Variants in AHI1 observed in about 807,000 individuals in gnomAD.
The protein encoded by AHI1 is Abelson helper integration site 1, also known as jouberin.
A neutral mutation model predicts 149.3 loss-of-function variants in AHI1; 123 were observed. That is an observed-to-expected ratio of 0.82 (90% confidence interval 0.71 to 0.96). The LOEUF (loss-of-function observed/expected upper bound fraction) is 0.96. Ranked by LOEUF, AHI1 falls within the 40% of genes least tolerant of loss-of-function variation. The pLI is 0.00. For missense variants in AHI1, 1,439 were observed against 1,422.7 expected, an observed-to-expected ratio of 1.01 and a Z score of -0.18; for synonymous variants, 475 against 459.8, an observed-to-expected ratio of 1.03 and a Z score of -0.42.
intron 19 of AHI1, among the ~76,000 whole-genome samples, chr6:135,427,959 T>A (rs1784133611): frequency 6.6e-6 from 1 of 150,806 alleles, no homozygotes; most frequent in African/African-American, 2.4e-5. Context: ...AACAAAAACC[T>A]AAGTTACCTG....
chr6:135,363,195 G>GCCTT (rs1274930299), intron 23 of AHI1, among the ~76,000 whole-genome samples: 3 of 150,940 alleles, frequency 2.0e-5, no homozygotes, highest in African/African-American at 7.3e-5. Context: ...GGACCCTGCG[G>GCCTT]CCTTCCGCAG....
At chr6:135,445,755 T>C (rs1207345559) in intron 13 of AHI1, among the ~76,000 whole-genome samples, 1 of 152,044 alleles carries the variant, frequency 6.6e-6, no homozygotes, top group Non-Finnish European at 1.5e-5. Flanking sequence ...AAAATTTTTT[T>C]TAAAAGAATG....
intron 24 of AHI1, among the ~76,000 whole-genome samples, chr6:135,327,007 C>A (rs547707804): frequency 6.6e-6 from 1 of 152,100 alleles, no homozygotes; most frequent in Non-Finnish European, 1.5e-5. Context: ...GTTTTTTGTT[C>A]GTGAGTTACT....
At chr6:135,382,665 G>A (rs964041891) in intron 23 of AHI1, among the ~76,000 whole-genome samples, 12 of 151,798 alleles carry the variant, frequency 7.9e-5, no homozygotes, top group Middle Eastern at 6.8e-3. Context: ...GCCTCCTTCT[G>A]AATTTCCAGA....
intron 28 of AHI1, among the ~76,000 whole-genome samples, chr6:135,287,653 GAGGAAGAA>G (rs1312161811): frequency 6.6e-6 from 1 of 152,238 alleles, no homozygotes; most frequent in Non-Finnish European, 1.5e-5. Flanking sequence ...TAATCTAACA[GAGGAAGAA>G]AGTAACGAAG....
intron 13 of AHI1, among the ~76,000 whole-genome samples, chr6:135,445,523 T>G (rs1787033160): frequency 6.6e-6 from 1 of 152,206 alleles, no homozygotes; most frequent in South Asian, 2.1e-4. Context: ...CCATAAACAT[T>G]AAGAGATATA....
At chr6:135,375,223 G>GT (rs201832201) in intron 23 of AHI1, among the ~76,000 whole-genome samples, 40 of 151,122 alleles carry the variant, frequency 2.6e-4, no homozygotes, top group African/African-American at 8.7e-4. Flanking sequence ...TTTTTAAAAA[G>GT]TTTTTTTTTC....
intron 21 of AHI1, among the ~76,000 whole-genome samples, chr6:135,411,102 A>G (rs1261124992): frequency 6.6e-6 from 1 of 152,192 alleles, no homozygotes; most frequent in East Asian, 1.9e-4. Flanking sequence ...GCCCTCCCTT[A>G]TCACTAGGTG....
At position 135,285,663 on chromosome 6, in the gene AHI1, C is replaced by G. The variant is rs201034412; in HGVS notation, c.3589-16G>C. 3 of 1,597,188 alleles carry G rather than the reference C, an allele frequency of 1.9e-6. No homozygotes were observed. On this transcript the variant is annotated splice_polypyrimidine_tract_variant and intron_variant, in intron 28 of 28. Transcript: ENST00000265602. ...CAATTCTTTACTGGAAAGAAAAATA[C>G]ACAAAATGTACTAAATAAACTTGAA...
chr6:135,454,757 G>T (rs1788650265), intron 10 of AHI1, among the ~76,000 whole-genome samples: 3 of 152,092 alleles, frequency 2.0e-5, no homozygotes, highest in South Asian at 4.1e-4. Context: ...GAAGAAAATT[G>T]TAACAAATGA....
rs1166870079 is a variant in AHI1 at position 135,414,810 on chromosome 6, ATTT to A, written c.2765-3269_2765-3267del. The stretch of plus-strand genomic sequence containing the variant: ...TTTCTTTTTTTAAATTTTTTTATTT[ATTT>A]TTATTTTATTATTATTATACTTTAA... On this transcript the variant is annotated intron_variant, in intron 20 of 28. Transcript: ENST00000265602. Among the ~76,000 whole-genome samples the A allele has an allele frequency of 4.1e-4, 63 of 151,814 alleles. No individual in the cohort carries two copies. The East Asian group carries it at 0.012, about 28-fold the overall frequency.
chr6:135,467,813 A>T (rs1191372240), intron 5 of AHI1, among the ~76,000 whole-genome samples, 179 bp from the exon 6 acceptor site: 2 of 152,206 alleles, frequency 1.3e-5, no homozygotes, highest in Non-Finnish European at 2.9e-5. Flanking sequence ...TGCTTCCAGA[A>T]TTTCATTAAT....
chr6:135,302,467 C>T, intron 26 of AHI1: 1 of 1,008,998 alleles, frequency 9.9e-7, no homozygotes, highest in South Asian at 4.2e-5. Context: ...GAAATGGATG[C>T]TGTGATATCC....
chr6:135,301,874 G>A (rs1783925342), intron 26 of AHI1: 2 of 985,396 alleles, frequency 2.0e-6, no homozygotes, highest in Non-Finnish European at 2.4e-6. Flanking sequence ...AGAACAATAA[G>A]CAAAGAAAAT....
chr6:135,411,621 A>C, intron 20 of AHI1, 77 bp from the exon 21 acceptor site: 1 of 1,222,938 alleles, frequency 8.2e-7, no homozygotes, highest in Non-Finnish European at 1.1e-6. Flanking sequence ...AGCATTCAAC[A>C]AATAATCAGA....
rs891907218 is a variant in AHI1 at position 135,290,615 on chromosome 6, T to A, written c.3486-90A>T. On this transcript the variant is annotated intron_variant, in intron 27 of 28. Transcript: ENST00000265602. ...AGGCTTTGATCTAGGGCCGTGGCAGTGGAAACAAAAATGGGGATAAATGTG... is the reference window on the plus strand; with the variant it reads ...AGGCTTTGATCTAGGGCCGTGGCAGAGGAAACAAAAATGGGGATAAATGTG... 5.3e-6 allele frequency: 7 copies of A among 1,327,028 alleles called. No homozygotes were observed. In the African/African-American group the frequency reaches 8.8e-5, roughly 17 times the overall value. The allele number at this position is 1,327,028 out of a possible 1,614,324, so 82.2% of individuals were successfully genotyped here.
chr6:135,483,190 A>C (rs1348994732), intron 5 of AHI1, among the ~76,000 whole-genome samples: 1 of 151,442 alleles, frequency 6.6e-6, no homozygotes, highest in African/African-American at 2.4e-5. Context: ...GAGCCACCAC[A>C]CCCAGCCCAT....
At chr6:135,314,266 T>C (rs372410771) in intron 26 of AHI1, among the ~76,000 whole-genome samples, 1 of 152,186 alleles carries the variant, frequency 6.6e-6, no homozygotes, top group Admixed American at 6.5e-5. Flanking sequence ...GCTTTTATAA[T>C]GAGAGACACA....
At chr6:135,322,304 T>C (rs553003659) in intron 25 of AHI1, among the ~76,000 whole-genome samples, 2 of 152,344 alleles carry the variant, frequency 1.3e-5, no homozygotes, top group Non-Finnish European at 2.9e-5. Context: ...TAATTGTGGA[T>C]AGAATGCATT....
Sources: gnomAD v4.1 joint callset for allele counts (sites outside exome capture counted in the v4.1 genomes callset) on GRCh38, gnomAD v4.1.1 for gene constraint, MANE v1.5 for transcripts, NCBI Gene and HGNC (gene_info 2026-07-23, HGNC 2026-07-21) for gene names.